The following CSMD1 variants were observed in gnomAD, a reference collection of about 807,000 sequenced individuals.
The protein encoded by CSMD1 is CUB and Sushi multiple domains 1, also known as CUB and sushi domain-containing protein 1.
CSMD1 carries 213 observed loss-of-function variants against 417.5 expected under a neutral mutation model. The ratio of observed to expected loss-of-function variants is 0.51; its 90% CI spans 0.46 to 0.57. The LOEUF (loss-of-function observed/expected upper bound fraction) is 0.57, where lower values mean the gene tolerates loss of function less well. Among genes scored for constraint, CSMD1 ranks in the 20% least tolerant of loss-of-function variants. CSMD1 has a pLI of 0.00. For synonymous variants in CSMD1, 2,862 were observed against 1,736.8 expected, an observed-to-expected ratio of 1.65 and a Z score of -16.11; for missense variants, 6,923 against 4,529.7, an observed-to-expected ratio of 1.53 and a Z score of -15.17.
chr8:4,446,647 A>G (rs1798807758), intron 2 of CSMD1, among the ~76,000 whole-genome samples: 1 of 152,026 alleles, frequency 6.6e-6, no homozygotes, highest in African/African-American at 2.4e-5. Context: ...TCTGCCTCCT[A>G]GATTTGAGCC....
At chr8:3,562,417 A>ACACACACGTAC (rs1554470709) in intron 10 of CSMD1, among the ~76,000 whole-genome samples, 3 of 145,330 alleles carry the variant, frequency 2.1e-5, no homozygotes, top group Non-Finnish European at 3.0e-5. Flanking sequence ...CACATGCACA[A>ACACACACGTAC]ACACACATGC....
chr8:4,687,349 G>A (rs1296478878), intron 1 of CSMD1, among the ~76,000 whole-genome samples: 3 of 152,114 alleles, frequency 2.0e-5, no homozygotes, highest in Admixed American at 1.3e-4. Context: ...GATCGAACAG[G>A]ACTAAAGTAC....
At chr8:4,435,859 A>G (rs1236378600) in intron 2 of CSMD1, among the ~76,000 whole-genome samples, 1 of 152,194 alleles carries the variant, frequency 6.6e-6, no homozygotes. Context: ...CCTTCCAAGT[A>G]TTAGGACTGT....
At position 3,308,319 on chromosome 8, in the gene CSMD1, C is replaced by T. The variant is rs368827101; in HGVS notation, c.3816G>A (p.Ser1272=). 76 of 1,607,314 alleles carry T rather than the reference C, an allele frequency of 4.7e-5. No individual in the cohort carries two copies. The highest frequency in any genetic ancestry group is 1.1e-4 in the African/African-American group (8 of 74,924). The change falls in exon 24 of 70, where the codon TCG becomes TCA. Residue 1272 remains serine, a synonymous_variant. Transcript: ENST00000635120. ...DRRVWDKPLP[S]CIAECGGQIH... is the part of the protein sequence containing the mutation. ...GACTGCTTCCACACTCACCTATGCA[C>T]GAAGGTAGTGGTTTGTCCCACACTC...
chr8:4,730,026 C>G (rs1055413728), intron 1 of CSMD1, among the ~76,000 whole-genome samples: 5 of 152,110 alleles, frequency 3.3e-5, no homozygotes, highest in Non-Finnish European at 5.9e-5. Context: ...CACACCTGCT[C>G]CCATGTTAAT....
chr8:3,354,314 T>C (rs10503205), intron 21 of CSMD1, among the ~76,000 whole-genome samples: 26,388 of 152,066 alleles, frequency 0.17, 2,277 homozygotes, highest in Middle Eastern at 0.25. Context: ...TAAAGGTGTA[T>C]GGCTCTGGTT....
intron 3 of CSMD1, among the ~76,000 whole-genome samples, chr8:4,319,833 G>A (rs184332763): frequency 2.6e-5 from 4 of 152,212 alleles, no homozygotes; most frequent in African/African-American, 9.6e-5. Context: ...GGGGTCTTCA[G>A]CTGAGAGCTC....
intron 1 of CSMD1, among the ~76,000 whole-genome samples, chr8:4,721,601 G>C (rs1283739768): frequency 1.3e-5 from 2 of 152,334 alleles, no homozygotes; most frequent in Middle Eastern, 3.4e-3. Flanking sequence ...GCTGTGCACT[G>C]TTTGTGTGAA....
At chr8:4,957,795 C>G (rs1300058113) in intron 1 of CSMD1, among the ~76,000 whole-genome samples, 2 of 152,106 alleles carry the variant, frequency 1.3e-5, no homozygotes, top group African/African-American at 2.4e-5. Context: ...CTGACTAGGA[C>G]AGGGGTGTAC....
At chr8:4,889,312 A>G (rs1446240672) in intron 1 of CSMD1, among the ~76,000 whole-genome samples, 1 of 152,108 alleles carries the variant, frequency 6.6e-6, no homozygotes, top group South Asian at 2.1e-4. Context: ...GAGAAACTCA[A>G]ATTGAGGAGA....
At chr8:4,444,872 A>G (rs1798690351) in intron 2 of CSMD1, among the ~76,000 whole-genome samples, 2 of 152,310 alleles carry the variant, frequency 1.3e-5, no homozygotes, top group African/African-American at 4.8e-5. Flanking sequence ...GCTGCAGCCA[A>G]GGTAATTGAT....
At chr8:3,182,578 CTG>C (rs35090952) in intron 36 of CSMD1, among the ~76,000 whole-genome samples, 1,208 of 93,930 alleles carry the variant, frequency 0.013, 16 homozygotes, top group East Asian at 0.02. Context: ...TTATAAGAAG[CTG>C]TGTGTGTGTG....
At chr8:4,380,576 T>C (rs1322895689) in intron 3 of CSMD1, among the ~76,000 whole-genome samples, 1 of 152,114 alleles carries the variant, frequency 6.6e-6, no homozygotes, top group African/African-American at 2.4e-5. Context: ...GACCCGTGGA[T>C]GGAATGAGAA....
At chr8:4,120,699 A>G (rs1425989056) in intron 3 of CSMD1, among the ~76,000 whole-genome samples, 1 of 152,222 alleles carries the variant, frequency 6.6e-6, no homozygotes, top group Non-Finnish European at 1.5e-5. Flanking sequence ...TGCCAAATAC[A>G]TATTCAGAAA....
rs189148513 is a variant in CSMD1, at chr8:3,209,562, G to A, written c.4868-3942C>T. 3.8e-3 allele frequency among the ~76,000 whole-genome samples: 574 copies of A among 151,988 alleles called. 1 individual carries two copies. Among genetic ancestry groups the A allele is most frequent in the African/African-American group, 0.013 (524 of 41,432 alleles). Reference sequence around the variant, plus strand: ...TATTGATCTCCTGACCTTGTGATCCGCCTGCCTCGGCCTCCCAAAGTGCTG... The same window carrying A: ...TATTGATCTCCTGACCTTGTGATCCACCTGCCTCGGCCTCCCAAAGTGCTG... On this transcript the variant is annotated intron_variant, in intron 30 of 69. Coordinates refer to ENST00000635120, the MANE Select transcript of CSMD1 (RefSeq NM_033225.6).
intron 41 of CSMD1, among the ~76,000 whole-genome samples, chr8:3,130,259 G>C (rs1243124598): frequency 1.3e-5 from 2 of 152,272 alleles, no homozygotes; most frequent in Non-Finnish European, 2.9e-5. Flanking sequence ...AATGGGGCAA[G>C]GGAGGGGACA....
chr8:4,805,214 C>T (rs568794860), intron 1 of CSMD1, among the ~76,000 whole-genome samples: 2 of 152,234 alleles, frequency 1.3e-5, no homozygotes, highest in African/African-American at 2.4e-5. Context: ...AATCATAGTC[C>T]TAAAATTATA....
intron 37 of CSMD1, among the ~76,000 whole-genome samples, chr8:3,166,843 G>A (rs1358881757): frequency 6.6e-6 from 1 of 152,198 alleles, no homozygotes; most frequent in African/African-American, 2.4e-5. Flanking sequence ...TTTTCCAGAA[G>A]CAGAGATATC....
At chr8:4,430,287 G>C (rs557302443) in intron 2 of CSMD1, among the ~76,000 whole-genome samples, 243 of 152,178 alleles carry the variant, frequency 1.6e-3, no homozygotes, top group African/African-American at 5.5e-3. Flanking sequence ...TTTTGGTGCT[G>C]AAAAAATATT....
Sources: allele counts gnomAD v4.1 joint callset (sites outside exome capture counted in the v4.1 genomes callset), GRCh38; gene constraint gnomAD v4.1.1; transcripts MANE v1.5; gene names NCBI Gene and HGNC (gene_info 2026-07-23, HGNC 2026-07-21).